The following MORC2 variants were observed in gnomAD, a reference collection of about 807,000 sequenced individuals.
MORC2 encodes the protein ATPase MORC2.
Under a neutral mutation model 136.0 loss-of-function variants are expected in MORC2, and 30 were observed. The ratio of observed to expected loss-of-function variants is 0.22; its 90% CI spans 0.17 to 0.30. MORC2 has a LOEUF of 0.30. Ranked by LOEUF, MORC2 falls within the 10% of genes least tolerant of loss-of-function variation. The pLI, the probability that MORC2 is intolerant of heterozygous loss-of-function variation, is 1.00. For missense variants in MORC2, 922 were observed against 1,333.1 expected, an observed-to-expected ratio of 0.69 and a Z score of 4.80; for synonymous variants, 439 against 487.0, an observed-to-expected ratio of 0.90 and a Z score of 1.30.
intron 24 of MORC2, chr22:30,929,765 A>T (rs1244045516): frequency 6.6e-6 from 1 of 152,232 alleles, no homozygotes; most frequent in Non-Finnish European, 1.5e-5. Context: ...TGTCTCAAAA[A>T]AAAAAATAGT....
chr22:30,963,820 A>G (rs1238930090), intron 1 of MORC2, among the ~76,000 whole-genome samples: 2 of 152,220 alleles, frequency 1.3e-5, no homozygotes, highest in East Asian at 3.8e-4. Context: ...TCCTGAATGT[A>G]AACCAATAGA....
chr22:30,950,828 AACTACC>A (rs1462066684), intron 3 of MORC2, among the ~76,000 whole-genome samples: 2 of 152,200 alleles, frequency 1.3e-5, no homozygotes, highest in Non-Finnish European at 2.9e-5. Flanking sequence ...AAAGTACTCC[AACTACC>A]ACACACTGTA....
intron 1 of MORC2, among the ~76,000 whole-genome samples, chr22:30,962,557 G>A (rs981573534): frequency 3.3e-5 from 5 of 150,726 alleles, no homozygotes; most frequent in East Asian, 1.9e-4. Flanking sequence ...ACTGCGCCAC[G>A]GCACACCAAC....
In MORC2 at chr22:30,932,194, C is replaced by G; in HGVS notation, c.2841+165G>C. ...GCCAATTTTTTTCCCACATCATAAA[C>G]TCTCCTCTTCTTTCAGCAGGAGAGA... On this transcript the variant is annotated intron_variant, in intron 24 of 25. Transcript: ENST00000397641. The surrounding 1 kb of genome is among the most constrained non-coding windows in gnomAD (Gnocchi z 4.4). 1.4e-6 allele frequency: 1 copy of G among 701,560 alleles called. No individual in the cohort carries two copies. Among genetic ancestry groups the G allele is most frequent in the South Asian group, 1.9e-5 (1 of 52,802 alleles). The allele number at this position is 701,560 out of a possible 1,614,324, so 43.5% of individuals were successfully genotyped here. A position where few individuals can be genotyped will look rare whatever the true frequency, so the allele number is the denominator to read the frequency against.
In MORC2 at chr22:30,940,762, C is replaced by T. The variant is rs761658317; in HGVS notation, c.900G>A (p.Arg300=). ...CTGCACCCAGAGTGGCATTACCAAT[C>T]CTTGCTACGTGCTCTGCTTTCTTCA... The part of the protein sequence containing the change: ...QEVKKAEHVA[R]IAEEKAREAE... Residue 300 remains arginine, a synonymous_variant, in exon 10 of 26, where the codon AGG becomes AGA. Transcript: ENST00000397641. 1 of 1,614,082 alleles carries T rather than the reference C, an allele frequency of 6.2e-7. No homozygotes were observed. Among genetic ancestry groups the T allele is most frequent in the South Asian group, 1.1e-5 (1 of 91,078 alleles).
chr22:30,950,337 G>GCGGGCGGC, intron 4 of MORC2, 40 bp downstream of exon 4: 1 of 761,768 alleles, frequency 1.3e-6, no homozygotes. Flanking sequence ...TGGTTACATC[G>GCGGGCGGC]CACCCCCCCA....
intron 1 of MORC2, among the ~76,000 whole-genome samples, chr22:30,960,934 C>T (rs546453771): frequency 1.1e-3 from 153 of 139,290 alleles, no homozygotes; most frequent in South Asian, 7.0e-3. Context: ...GGCGCAATCT[C>T]GGCTCACTGC....
intron 1 of MORC2, chr22:30,963,102 G>C (rs2041074387): frequency 6.4e-6 from 1 of 155,386 alleles, no homozygotes; most frequent in African/African-American, 2.4e-5. Context: ...CTCCCGAGTA[G>C]CTAGCTGGGA....
In MORC2 at chr22:30,933,924, T is replaced by TG. The variant is rs534128281; in HGVS notation, c.2325+135dup. ...AAACAGAGTTGGTGCAGACTGCTGGTGGGGGGGGTAGACTGCTGGTGGGTT... is the reference window on the plus strand; with the variant it reads ...AAACAGAGTTGGTGCAGACTGCTGGTGGGGGGGGGTAGACTGCTGGTGGGTT... On this transcript the variant is annotated intron_variant, in intron 20 of 25. Coordinates refer to ENST00000397641, the MANE Select transcript of MORC2 (RefSeq NM_001303256.3). 1.8e-3 allele frequency: 1,758 copies of TG among 978,766 alleles called. 14 individuals are homozygous for TG. The African/African-American group carries it at 0.02, about 11-fold the overall frequency. 60.6% of individuals were successfully genotyped at this position (978,766 alleles called of 1,614,324 possible).
In MORC2 at chr22:30,932,529, CA is replaced by C; in HGVS notation, c.2747+15del. On this transcript the variant is annotated intron_variant, in intron 23 of 25. Coordinates refer to ENST00000397641, the MANE Select transcript of MORC2 (RefSeq NM_001303256.3). This position sits in a 1 kb window ranked among gnomAD's most constrained non-coding sequence, Gnocchi z 4.4. ...TGCTGCTGGCCCTGGGGTGGGAAGA[CA>C]AAAGACACATGTACCGGAGGATCTG... 1 of 1,613,748 alleles carries C rather than the reference CA, an allele frequency of 6.2e-7. No individual in the cohort carries two copies. Among genetic ancestry groups the C allele is most frequent in the Non-Finnish European group, 8.5e-7 (1 of 1,179,806 alleles).
chr22:30,927,971 C>G lies in MORC2; in HGVS notation c.3030+48G>C, dbSNP rs567349153. 28 of 1,607,304 alleles carry G rather than the reference C, an allele frequency of 1.7e-5. No individual in the cohort carries two copies. The South Asian group carries it at 3.1e-4, about 18-fold the overall frequency. ...AGGAACAGGGCCCAGGCCCCCCTCC[C>G]TGAGAGACCAGGTGGTCCAGCTGCA... On this transcript the variant is annotated intron_variant, in intron 25 of 25. Coordinates refer to ENST00000397641, the MANE Select transcript of MORC2 (RefSeq NM_001303256.3).
chr22:30,956,615 G>A (rs2040971348), intron 3 of MORC2, 148 bp downstream of exon 3: 6 of 661,492 alleles, frequency 9.1e-6, no homozygotes, highest in Admixed American at 6.0e-5. Flanking sequence ...ACCTGACTAC[G>A]GCTGCCCCTT....
At chr22:30,935,672 T>TA (rs1472429641) in intron 17 of MORC2, among the ~76,000 whole-genome samples, 1 of 149,228 alleles carries the variant, frequency 6.7e-6, no homozygotes, top group African/African-American at 2.5e-5. Flanking sequence ...GGGAGGCATA[T>TA]AAAACATCAT....
chr22:30,946,369 G>A lies in MORC2; in HGVS notation c.398C>T (p.Thr133Met), dbSNP rs553943877. 6.8e-6 allele frequency: 11 copies of A among 1,610,200 alleles called. No homozygotes were observed. Among genetic ancestry groups the A allele is most frequent in the African/African-American group, 1.3e-5 (1 of 74,976 alleles). The change falls in exon 6 of 26, where the codon ACG (threonine) becomes ATG (methionine). Residue 133 changes from threonine (T) to methionine (M), a missense_variant. By Grantham distance (81) the Thr-to-Met change is moderately conservative. Coordinates refer to ENST00000397641, the MANE Select transcript of MORC2 (RefSeq NM_001303256.3). ...ATCAATGCCTTCTTCCTCATGAAAC[G>A]TGCGAGACAGGAAGAGGCAGGTCAT... Reference protein sequence around the residue: ...DTMTCLFLSRTFHEEEGIDEV... With the variant: ...DTMTCLFLSRMFHEEEGIDEV...
At chr22:30,943,706 T>TA (rs771609586) in intron 6 of MORC2, among the ~76,000 whole-genome samples, 77 of 152,222 alleles carry the variant, frequency 5.1e-4, no homozygotes, top group Non-Finnish European at 7.1e-4. Flanking sequence ...GACAAACTGT[T>TA]AAGAGTTCTG....
chr22:30,930,743 C>T (rs906975019), intron 24 of MORC2, among the ~76,000 whole-genome samples: 1 of 152,162 alleles, frequency 6.6e-6, no homozygotes, highest in African/African-American at 2.4e-5. Context: ...AACCTCTTTC[C>T]TAGAAAACTT....
intron 1 of MORC2, 97 bp downstream of exon 1, chr22:30,967,725 A>G (rs2041150179): frequency 6.5e-7 from 1 of 1,530,730 alleles, no homozygotes. Flanking sequence ...GATACATCTC[A>G]AAAAGTGAAA....
In MORC2 at chr22:30,937,041, CAG is replaced by C. The variant is rs1351034121; in HGVS notation, c.1499-6_1499-5del. 6.2e-7 allele frequency: 1 copy of C among 1,609,270 alleles called. No individual in the cohort carries two copies. The highest frequency in any genetic ancestry group is 1.3e-5 in the African/African-American group (1 of 74,782). On this transcript the variant is annotated splice_region_variant and splice_polypyrimidine_tract_variant and intron_variant, in intron 15 of 25. Transcript: ENST00000397641. This position sits in a 1 kb window ranked among gnomAD's most constrained non-coding sequence, Gnocchi z 4.7. ...GTTCTCCATTTCAGACACAAATCTG[CAG>C]AGAGCAAAAAAACCCCACATATCAG...
chr22:30,954,314 T>G (rs1015525287), intron 3 of MORC2, among the ~76,000 whole-genome samples: 5 of 152,118 alleles, frequency 3.3e-5, no homozygotes, highest in Non-Finnish European at 7.4e-5. Context: ...CTGTTGAATG[T>G]GTTAACAAGG....
Sources: gnomAD v4.1 joint callset for allele counts (sites outside exome capture counted in the v4.1 genomes callset) on GRCh38, gnomAD v4.1.1 for gene constraint, Gnocchi (gnomAD v3.1) non-coding constraint, MANE v1.5 for transcripts, NCBI Gene and HGNC (gene_info 2026-07-23, HGNC 2026-07-21) for gene names.